The following NBEA variants were observed in gnomAD, a reference collection of about 807,000 sequenced individuals.
NBEA encodes neurobeachin.
Under a neutral mutation model 343.4 loss-of-function variants are expected in NBEA, and 44 were observed. The ratio of observed to expected loss-of-function variants is 0.13; its 90% CI spans 0.10 to 0.16. NBEA has a LOEUF of 0.16. Ranked by LOEUF, NBEA falls within the 10% of genes least tolerant of loss-of-function variation. The probability of loss-of-function intolerance (pLI) is 1.00; values close to 1 mark genes in which losing one functional copy is unlikely to be tolerated. For missense variants in NBEA, 2,555 were observed against 3,631.3 expected, an observed-to-expected ratio of 0.70 and a Z score of 7.62; for synonymous variants, 1,175 against 1,238.7, an observed-to-expected ratio of 0.95 and a Z score of 1.08.
chr13:35,027,437 T>C (rs1272815435), intron 1 of NBEA, among the ~76,000 whole-genome samples: 1 of 151,958 alleles, frequency 6.6e-6, no homozygotes, highest in East Asian at 1.9e-4. Flanking sequence ...TTTTCTGTTT[T>C]AACTGTTCTG....
intron 41 of NBEA, among the ~76,000 whole-genome samples, chr13:35,484,234 A>ATGTGTGTG (rs397851790): frequency 1.1e-4 from 14 of 124,818 alleles, no homozygotes; most frequent in South Asian, 5.5e-4. Flanking sequence ...CTACATTAAT[A>ATGTGTGTG]TGTGTGTGTG....
chr13:34,953,622 A>G (rs2059409360), intron 1 of NBEA, among the ~76,000 whole-genome samples: 1 of 152,204 alleles, frequency 6.6e-6, no homozygotes, highest in African/African-American at 2.4e-5. Flanking sequence ...TTCTATTTTA[A>G]ATTACAGTTG....
chr13:35,096,813 A>T (rs2065355227), intron 10 of NBEA, among the ~76,000 whole-genome samples: 1 of 151,958 alleles, frequency 6.6e-6, no homozygotes, highest in Non-Finnish European at 1.5e-5. Context: ...ATTCATTTAA[A>T]ATGGACTAGA....
Position 35,064,994 on chromosome 13 carries a change from C to T in NBEA, c.1240-4914C>T, listed in dbSNP as rs111448551. ...TACAAGGTCTTATCTGTGTTGTGAG[C>T]GCACACAGTCACTACATACCATTGA... On this transcript the variant is annotated intron_variant, in intron 8 of 58. Transcript: ENST00000379939. Among the ~76,000 whole-genome samples, 166 of 149,708 alleles carry T rather than the reference C, an allele frequency of 1.1e-3. 1 individual carries two copies. Among genetic ancestry groups the T allele is most frequent in the African/African-American group, 3.6e-3 (148 of 40,742 alleles).
At chr13:35,423,317 A>G (rs1278529356) in intron 38 of NBEA, among the ~76,000 whole-genome samples, 1 of 152,072 alleles carries the variant, frequency 6.6e-6, no homozygotes, top group Non-Finnish European at 1.5e-5. Flanking sequence ...ATCTTGAATT[A>G]ATTTTTGTAT....
At chr13:35,635,094 G>C (rs1810610928) in intron 49 of NBEA, among the ~76,000 whole-genome samples, 1 of 152,064 alleles carries the variant, frequency 6.6e-6, no homozygotes, top group African/African-American at 2.4e-5. Flanking sequence ...TTTTCATCCT[G>C]ATGATGTAAA....
intron 1 of NBEA, among the ~76,000 whole-genome samples, chr13:35,010,367 A>G (rs2152532446): frequency 6.6e-6 from 1 of 152,116 alleles, no homozygotes; most frequent in Non-Finnish European, 1.5e-5. Context: ...ACATGAGGCT[A>G]GGAGTTTGAA....
chr13:35,117,376 G>A, intron 13 of NBEA, 38 bp from the exon 14 acceptor site: 1 of 1,074,856 alleles, frequency 9.3e-7, no homozygotes, highest in South Asian at 3.2e-5. Context: ...TTAATATCTT[G>A]TATTTTTTAT....
At chr13:35,586,289 T>G (rs2081290952) in intron 46 of NBEA, among the ~76,000 whole-genome samples, 1 of 152,192 alleles carries the variant, frequency 6.6e-6, no homozygotes, top group South Asian at 2.1e-4. Flanking sequence ...TATGAATACA[T>G]TTTAAGTAAC....
At chr13:35,123,085 A>T (rs1174137603) in intron 16 of NBEA, among the ~76,000 whole-genome samples, 1 of 152,208 alleles carries the variant, frequency 6.6e-6, no homozygotes, top group Non-Finnish European at 1.5e-5. Flanking sequence ...TAAACTCAGG[A>T]GTTCCAGACT....
intron 35 of NBEA, among the ~76,000 whole-genome samples, chr13:35,292,283 C>T (rs951570249): frequency 4.6e-5 from 7 of 151,862 alleles, no homozygotes; most frequent in East Asian, 1.9e-4. Flanking sequence ...ATGTCTTCAA[C>T]GTTTCTTAAA....
intron 48 of NBEA, among the ~76,000 whole-genome samples, chr13:35,607,458 A>G (rs746969633): frequency 4.6e-5 from 7 of 152,192 alleles, no homozygotes; most frequent in Non-Finnish European, 8.8e-5. Context: ...TAATCCCAAC[A>G]TGGTTATAGT....
At chr13:35,314,886 C>T (rs1456300091) in intron 36 of NBEA, among the ~76,000 whole-genome samples, 1 of 152,104 alleles carries the variant, frequency 6.6e-6, no homozygotes, top group Non-Finnish European at 1.5e-5. Context: ...AGACTTTTCT[C>T]TTTCACAAGC....
chr13:35,263,125 T>C (rs1438893253), intron 34 of NBEA, among the ~76,000 whole-genome samples: 1 of 152,110 alleles, frequency 6.6e-6, no homozygotes, highest in African/African-American at 2.4e-5. Flanking sequence ...GAAACAGACA[T>C]ATAAACCAAT....
chr13:35,189,320 G>C (rs568868479), intron 30 of NBEA, among the ~76,000 whole-genome samples: 1 of 152,070 alleles, frequency 6.6e-6, no homozygotes, highest in South Asian at 2.1e-4. Flanking sequence ...TTATATACCT[G>C]TTAGCTGTTT....
intron 38 of NBEA, among the ~76,000 whole-genome samples, chr13:35,429,773 C>T (rs1252046019): frequency 1.3e-5 from 2 of 150,856 alleles, no homozygotes; most frequent in Admixed American, 6.6e-5. Flanking sequence ...TCTCACCCAC[C>T]TCCCACCCTT....
At chr13:35,668,617 C>A in intron 58 of NBEA, 98 bp downstream of exon 58, 9 of 1,199,274 alleles carry the variant, frequency 7.5e-6, no homozygotes, top group Non-Finnish European at 9.9e-6. Flanking sequence ...GCAATTCCAG[C>A]ATCCAAATGA....
At chr13:34,978,236 G>T (rs1043255519) in intron 1 of NBEA, among the ~76,000 whole-genome samples, 1 of 152,116 alleles carries the variant, frequency 6.6e-6, no homozygotes. Flanking sequence ...ATTATTAATG[G>T]CAAGATTTGG....
chr13:35,133,274 A>T (rs1451347976), intron 17 of NBEA, among the ~76,000 whole-genome samples: 5 of 152,126 alleles, frequency 3.3e-5, no homozygotes. Context: ...CTTCAGTAGT[A>T]ATCAAGAAAA....
Sources: allele counts gnomAD v4.1 joint callset (sites outside exome capture counted in the v4.1 genomes callset), GRCh38; gene constraint gnomAD v4.1.1; transcripts MANE v1.5; gene names NCBI Gene and HGNC (gene_info 2026-07-23, HGNC 2026-07-21).